NUMB: variants seen among roughly 807,000 people sequenced by gnomAD.
NUMB encodes NUMB endocytic adaptor protein, also known as protein numb homolog.
A neutral mutation model predicts 59.7 loss-of-function variants in NUMB; 29 were observed. The observed-to-expected ratio is 0.49, with a 90% confidence interval of 0.36 to 0.66. NUMB has a LOEUF of 0.66. Ranked by LOEUF, NUMB falls within the 30% of genes least tolerant of loss-of-function variation. The pLI, the probability that NUMB is intolerant of heterozygous loss-of-function variation, is 0.00. For synonymous variants in NUMB, 288 were observed against 288.2 expected, an observed-to-expected ratio of 1.00 and a Z score of 0.01; for missense variants, 723 against 822.0, an observed-to-expected ratio of 0.88 and a Z score of 1.47.
At chr14:73,399,598 G>C (rs892138756) in intron 2 of NUMB, among the ~76,000 whole-genome samples, 16 of 151,978 alleles carry the variant, frequency 1.1e-4, no homozygotes, top group Non-Finnish European at 1.9e-4. Context: ...AGAAAAAAAG[G>C]CTTAGCCATA....
intron 2 of NUMB, among the ~76,000 whole-genome samples, chr14:73,389,666 A>G (rs1895749976): frequency 6.6e-6 from 1 of 152,162 alleles, no homozygotes; most frequent in South Asian, 2.1e-4. Flanking sequence ...TCTTCATTTT[A>G]TAAGGAGGGC....
chr14:73,408,191 C>A lies in NUMB; in HGVS notation c.-101+1746G>T, dbSNP rs546282165. 2.1e-4 allele frequency among the ~76,000 whole-genome samples: 32 copies of A among 151,344 alleles called. 1 individual carries two copies. Among genetic ancestry groups the A allele is most frequent in the South Asian group, 6.3e-4 (3 of 4,794 alleles). On this transcript the variant is annotated intron_variant, in intron 2 of 12. Transcript: ENST00000555238. ...GCAGTGAGCTGAGATTGCGCCACTG[C>A]ACTCCAGCCTGGGCGACAGAGCAAG...
chr14:73,398,633 A>C (rs369021628), intron 2 of NUMB, among the ~76,000 whole-genome samples: 1 of 152,088 alleles, frequency 6.6e-6, no homozygotes, highest in African/African-American at 2.4e-5. Context: ...GTAACAAGTA[A>C]ATGAAAAGAT....
At chr14:73,401,540 A>C (rs1239332577) in intron 2 of NUMB, among the ~76,000 whole-genome samples, 1 of 151,368 alleles carries the variant, frequency 6.6e-6, no homozygotes, top group Non-Finnish European at 1.5e-5. Context: ...AACGGAAACC[A>C]CTAACAAAAT....
chr14:73,356,381 G>A (rs1893781842), intron 3 of NUMB, among the ~76,000 whole-genome samples: 1 of 152,168 alleles, frequency 6.6e-6, no homozygotes, highest in South Asian at 2.1e-4. Context: ...AATGGCTCAT[G>A]CCTGTAATCC....
chr14:73,452,098 G>A (rs575969150), intron 1 of NUMB, among the ~76,000 whole-genome samples: 1 of 152,040 alleles, frequency 6.6e-6, no homozygotes, highest in African/African-American at 2.4e-5. Context: ...GGTGGCTCAC[G>A]CCTGGAATCC....
At chr14:73,369,514 A>G (rs1001621734) in intron 2 of NUMB, among the ~76,000 whole-genome samples, 1 of 152,228 alleles carries the variant, frequency 6.6e-6, no homozygotes, top group African/African-American at 2.4e-5. Flanking sequence ...AAAAAGTATA[A>G]CTGGACACAA....
At chr14:73,366,477 G>C (rs1457966423) in intron 3 of NUMB, among the ~76,000 whole-genome samples, 1 of 152,150 alleles carries the variant, frequency 6.6e-6, no homozygotes, top group Non-Finnish European at 1.5e-5. Context: ...AATGCTTACT[G>C]TGTGCCAGGC....
intron 2 of NUMB, among the ~76,000 whole-genome samples, chr14:73,367,348 T>TATATATATATAGAGAGAGAGAGAGAG (rs1555375287): frequency 2.8e-5 from 3 of 105,328 alleles, no homozygotes; most frequent in African/African-American, 1.5e-4. Context: ...TATATATATA[T>TATATATATATAGAGAGAGAGAGAGAG]AGAGAGAGAG....
At chr14:73,402,316 C>T (rs1423264952) in intron 2 of NUMB, among the ~76,000 whole-genome samples, 1 of 152,046 alleles carries the variant, frequency 6.6e-6, no homozygotes, top group African/African-American at 2.4e-5. Flanking sequence ...TGACTGATTC[C>T]CTATCTGTTA....
intron 6 of NUMB, among the ~76,000 whole-genome samples, chr14:73,301,758 C>A (rs113699590): frequency 4.2e-5 from 6 of 143,456 alleles, no homozygotes; most frequent in African/African-American, 1.2e-4. Context: ...AGGTGTAAAT[C>A]ACCACACACA....
intron 3 of NUMB, among the ~76,000 whole-genome samples, chr14:73,359,594 C>T (rs550054364): frequency 1.3e-5 from 2 of 152,280 alleles, no homozygotes; most frequent in Admixed American, 6.5e-5. Context: ...TTTACACTAG[C>T]TTTCCTCCTG....
At chr14:73,393,870 A>G (rs1029342664) in intron 2 of NUMB, among the ~76,000 whole-genome samples, 1 of 152,240 alleles carries the variant, frequency 6.6e-6, no homozygotes, top group Non-Finnish European at 1.5e-5. Flanking sequence ...CTTTCATAGC[A>G]AGTGGGTCTT....
rs1189572736 is a variant in NUMB at position 73,428,910 on chromosome 14, G to A, written c.-232-18842C>T. On this transcript the variant is annotated intron_variant, in intron 1 of 12. Coordinates refer to ENST00000555238, the MANE Select transcript of NUMB (RefSeq NM_001005743.2). The stretch of plus-strand genomic sequence containing the variant: ...ATGCTAGAACTTTAATTGGAGAGGT[G>A]TAATTTATATATACTCTCCTGAGTT... 2.0e-5 allele frequency among the ~76,000 whole-genome samples: 3 copies of A among 152,140 alleles called. No individual in the cohort carries two copies. In the East Asian group the frequency reaches 5.8e-4, roughly 29 times the overall value.
At chr14:73,283,958 C>A in intron 10 of NUMB, 123 bp downstream of exon 10, 2 of 887,802 alleles carry the variant, frequency 2.3e-6, no homozygotes, top group Non-Finnish European at 1.7e-6. Flanking sequence ...ACAAAAGATA[C>A]AACTATCAAC....
intron 2 of NUMB, among the ~76,000 whole-genome samples, chr14:73,376,940 G>C (rs11847998): frequency 1.3e-5 from 2 of 152,108 alleles, no homozygotes; most frequent in Non-Finnish European, 2.9e-5. Context: ...TTTGACAAAA[G>C]AGCAAAGCCA....
chr14:73,353,459 C>T (rs1893576633), intron 4 of NUMB, among the ~76,000 whole-genome samples: 1 of 151,024 alleles, frequency 6.6e-6, no homozygotes, highest in African/African-American at 2.4e-5. Flanking sequence ...TATTACAAAT[C>T]TTAGGATGAC....
chr14:73,321,181 T>C, intron 5 of NUMB, among the ~76,000 whole-genome samples: 1 of 152,312 alleles, frequency 6.6e-6, no homozygotes, highest in East Asian at 1.9e-4. Context: ...ACTTACAGAG[T>C]GCACATGAAG....
rs10556271 is a variant in NUMB, at chr14:73,335,302, C to CAAAAAAAA, written c.127-12106_127-12099dup. Among the ~76,000 whole-genome samples, 119 of 100,222 alleles carry CAAAAAAAA rather than the reference C, an allele frequency of 1.2e-3. 1 individual carries two copies. The highest frequency in any genetic ancestry group is 1.4e-3 in the Non-Finnish European group (72 of 50,478). The allele number at this position is 100,222 out of a possible 152,430, so 65.7% of individuals were successfully genotyped here. ...TAGCTATTTATGCCAGCCAAAAAGA[C>CAAAAAAAA]AAAAAAAAAAAAAAAAAAAAAGGAA... On this transcript the variant is annotated intron_variant, in intron 4 of 12. Transcript: ENST00000555238.
Sources: gnomAD v4.1 joint callset for allele counts (sites outside exome capture counted in the v4.1 genomes callset) on GRCh38, gnomAD v4.1.1 for gene constraint, MANE v1.5 for transcripts, NCBI Gene and HGNC (gene_info 2026-07-23, HGNC 2026-07-21) for gene names.